Variants in HAO1 observed in about 807,000 individuals in gnomAD.
HAO1 encodes 2-Hydroxyacid oxidase 1.
HAO1 carries 34 observed loss-of-function variants against 39.7 expected under a neutral mutation model. The observed-to-expected ratio is 0.86, with a 90% CI of 0.65 to 1.14. The LOEUF is 1.14. HAO1 is among the 50% of genes most tolerant of loss of function. The probability of loss-of-function intolerance (pLI) is 0.00; values close to 1 mark genes in which losing one functional copy is unlikely to be tolerated. For synonymous variants in HAO1, 172 were observed against 173.2 expected, an observed-to-expected ratio of 0.99 and a Z score of 0.05; for missense variants, 479 against 464.5, an observed-to-expected ratio of 1.03 and a Z score of -0.29.
At chr20:7,928,039 G>T (rs1412671046) in intron 2 of HAO1, among the ~76,000 whole-genome samples, 1 of 152,178 alleles carries the variant, frequency 6.6e-6, no homozygotes, top group South Asian at 2.1e-4. Context: ...CTGTATAAAT[G>T]CTGGTGATCA....
At chr20:7,908,009 A>G (rs1227114239) in intron 3 of HAO1, among the ~76,000 whole-genome samples, 1 of 152,114 alleles carries the variant, frequency 6.6e-6, no homozygotes, top group Non-Finnish European at 1.5e-5. Flanking sequence ...AGTTGTATGT[A>G]TATTGATCTC....
At chr20:7,917,221 T>C (rs914359333) in intron 2 of HAO1, among the ~76,000 whole-genome samples, 1 of 151,012 alleles carries the variant, frequency 6.6e-6, no homozygotes, top group South Asian at 2.1e-4. Context: ...ATGCCTGTAA[T>C]CCCAGCTACT....
At chr20:7,901,238 A>G (rs2050220042) in intron 4 of HAO1, among the ~76,000 whole-genome samples, 1 of 152,200 alleles carries the variant, frequency 6.6e-6, no homozygotes, top group Non-Finnish European at 1.5e-5. Context: ...AGATCTAGCT[A>G]AGAAAATTGA....
intron 2 of HAO1, among the ~76,000 whole-genome samples, chr20:7,917,038 C>T (rs930673238): frequency 6.6e-6 from 1 of 152,086 alleles, no homozygotes; most frequent in African/African-American, 2.4e-5. Context: ...AATCAATTCA[C>T]CTGAAATAAA....
chr20:7,914,079 C>G, intron 3 of HAO1, 85 bp downstream of exon 3: 6 of 1,427,032 alleles, frequency 4.2e-6, no homozygotes, highest in Non-Finnish European at 5.9e-6. Context: ...TGTTTAGCAA[C>G]GTTGCTATCA....
At chr20:7,926,194 C>G (rs567707096) in intron 2 of HAO1, among the ~76,000 whole-genome samples, 5 of 152,094 alleles carry the variant, frequency 3.3e-5, no homozygotes, top group African/African-American at 4.8e-5. Context: ...CCATCACCAC[C>G]ATTACTGGCA....
At chr20:7,913,975 T>C (rs1041176957) in intron 3 of HAO1, among the ~76,000 whole-genome samples, 189 bp downstream of exon 3, 4 of 152,212 alleles carry the variant, frequency 2.6e-5, no homozygotes, top group African/African-American at 4.8e-5. Flanking sequence ...TGAAAATTTA[T>C]TGGACTTTTA....
At chr20:7,916,822 C>T (rs557638551) in intron 2 of HAO1, among the ~76,000 whole-genome samples, 14 of 152,288 alleles carry the variant, frequency 9.2e-5, no homozygotes, top group African/African-American at 3.4e-4. Context: ...AGTCTGTTCT[C>T]CCAAAGAGTT....
At chr20:7,913,565 G>A (rs1339973172) in intron 3 of HAO1, among the ~76,000 whole-genome samples, 1 of 152,132 alleles carries the variant, frequency 6.6e-6, no homozygotes, top group South Asian at 2.1e-4. Flanking sequence ...ACAGCTTGTG[G>A]ACAGGGTGAA....
chr20:7,895,073 G>C (rs1420700487), intron 5 of HAO1, 60 bp downstream of exon 5: 1 of 1,023,998 alleles, frequency 9.8e-7, no homozygotes, highest in East Asian at 2.4e-5. Context: ...CATAGAGATA[G>C]TAACACAGTG....
At chr20:7,917,694 C>T (rs2050313528) in intron 2 of HAO1, among the ~76,000 whole-genome samples, 1 of 152,100 alleles carries the variant, frequency 6.6e-6, no homozygotes, top group Non-Finnish European at 1.5e-5. Context: ...GATGATAGGG[C>T]ATGTTTTTGT....
chr20:7,930,767 C>A (rs559428992), intron 2 of HAO1, among the ~76,000 whole-genome samples: 1 of 152,160 alleles, frequency 6.6e-6, no homozygotes, highest in African/African-American at 2.4e-5. Flanking sequence ...AGCTAGGGAA[C>A]CCTCTCTCCC....
At chr20:7,883,806 C>A in intron 7 of HAO1, 143 bp from the exon 8 acceptor site, 1 of 699,892 alleles carries the variant, frequency 1.4e-6, no homozygotes, top group Non-Finnish European at 2.5e-6. Context: ...TGGCATGAGA[C>A]CATTTTTTAT....
At chr20:7,899,439 A>G (rs184503071) in intron 4 of HAO1, among the ~76,000 whole-genome samples, 83 of 151,986 alleles carry the variant, frequency 5.5e-4, no homozygotes, top group Admixed American at 2.0e-3. Context: ...GCGTTTGGCA[A>G]CTCTATTTGG....
intron 2 of HAO1, among the ~76,000 whole-genome samples, chr20:7,929,915 T>C (rs2050378450): frequency 6.6e-6 from 1 of 152,102 alleles, no homozygotes; most frequent in African/African-American, 2.4e-5. Flanking sequence ...AGGTGGATTA[T>C]TATTATTCCA....
chr20:7,896,329 G>C (rs967307130), intron 4 of HAO1, among the ~76,000 whole-genome samples: 16 of 152,136 alleles, frequency 1.1e-4, no homozygotes, highest in Admixed American at 3.9e-4. Context: ...ACTGGTTCAA[G>C]AGCGTAGCAA....
chr20:7,906,358 A>T, intron 3 of HAO1, 29 bp from the exon 4 acceptor site: 1 of 1,316,682 alleles, frequency 7.6e-7, no homozygotes, highest in Non-Finnish European at 1.1e-6. Context: ...AAAATGAGAA[A>T]TTTGCCAAAT....
chr20:7,910,449 A>C (rs973181907), intron 3 of HAO1, among the ~76,000 whole-genome samples: 2 of 152,310 alleles, frequency 1.3e-5, no homozygotes, highest in Non-Finnish European at 2.9e-5. Flanking sequence ...AATAAGTCTC[A>C]CTGGACTAAA....
chr20:7,930,661 C>T (rs1161339312), intron 2 of HAO1, among the ~76,000 whole-genome samples: 1 of 152,148 alleles, frequency 6.6e-6, no homozygotes, highest in Admixed American at 6.5e-5. Context: ...GGGACTCAAT[C>T]CTTCCAAGGA....
Sources: gnomAD v4.1 joint callset for allele counts (sites outside exome capture counted in the v4.1 genomes callset) on GRCh38, gnomAD v4.1.1 for gene constraint, MANE v1.5 for transcripts, NCBI Gene and HGNC (gene_info 2026-07-23, HGNC 2026-07-21) for gene names.